The following NPC1 variants were observed in gnomAD, a reference collection of about 807,000 sequenced individuals.
The protein encoded by NPC1 is Niemann-Pick C1 protein.
NPC1 carries 85 observed loss-of-function variants against 140.4 expected under a neutral mutation model. That is an observed-to-expected ratio of 0.61 (90% CI 0.51 to 0.72). The LOEUF is 0.72. Ranked by LOEUF, NPC1 falls within the 30% of genes least tolerant of loss-of-function variation. The pLI is 0.00. For missense variants in NPC1, 1,504 were observed against 1,623.8 expected, an observed-to-expected ratio of 0.93 and a Z score of 1.27; for synonymous variants, 656 against 624.8, an observed-to-expected ratio of 1.05 and a Z score of -0.74.
chr18:23,539,368 G>A lies in NPC1; in HGVS notation c.2898C>T (p.Phe966=), dbSNP rs2145370238. The A allele has an allele frequency of 1.2e-6, 2 of 1,611,618 alleles. No individual in the cohort carries two copies. The highest frequency in any genetic ancestry group is 1.7e-6 in the Non-Finnish European group (2 of 1,177,814). Residue 966 remains phenylalanine (F), a synonymous_variant, in exon 19 of 25, where the codon TTC becomes TTT. Transcript: ENST00000269228. ...CCRVDNITDQ[F]CNASVVDPAC... is the part of the protein sequence containing the mutation. ...AGGAGAAGGTACCTGAAGCATTGCA[G>A]AACTGGTCAGTGATATTGTCCACTC...
chr18:23,556,161 C>T (rs1242098573), intron 8 of NPC1, 82 bp downstream of exon 8: 25 of 1,227,260 alleles, frequency 2.0e-5, no homozygotes, highest in Non-Finnish European at 2.9e-5. Context: ...CCCCAAATCC[C>T]CATCTAGCAG....
Position 23,536,758 on chromosome 18 carries a change from CGTCAATAAAGTCAGCAGAG to C in NPC1, c.3141_3159del (p.Ser1048LeufsTer2). On this transcript the variant is annotated frameshift_variant, in exon 21 of 25. Transcript: ENST00000269228. LOFTEE classifies it high-confidence loss of function. ...GCTATAAGTCGGGCTTTCTTCAGAG[CGTCAATAAAGTCAGCAGAG>C]GTCTGCAGCACGGTGTGGTAGGTCA... The C allele has an allele frequency of 6.2e-7, 1 of 1,614,132 alleles. No homozygotes were observed. The highest frequency in any genetic ancestry group is 8.5e-7 in the Non-Finnish European group (1 of 1,180,014).
intron 5 of NPC1, 119 bp downstream of exon 5, chr18:23,561,241 G>A (rs2059033949): frequency 1.9e-6 from 2 of 1,041,318 alleles, no homozygotes; most frequent in South Asian, 1.3e-5. Context: ...GGAACTCCTG[G>A]TCTTAAGCAA....
rs376559201 is a variant in NPC1, at chr18:23,532,156, C to A, written c.*46G>T. On this transcript the variant is annotated 3_prime_UTR_variant, in exon 25 of 25. Transcript: ENST00000269228. ...ATGCAGCACCCGTCCAGTGGTAAAC[C>A]GACCGACCCTTAGACACAGTTCAGT... 1.2e-5 allele frequency: 19 copies of A among 1,613,994 alleles called. No homozygotes were observed. Among genetic ancestry groups the A allele is most frequent in the Non-Finnish European group, 1.4e-5 (17 of 1,180,004 alleles).
intron 1 of NPC1, 26 bp downstream of exon 1, chr18:23,586,261 C>T: frequency 3.9e-6 from 6 of 1,531,118 alleles, no homozygotes; most frequent in Non-Finnish European, 5.2e-6. Context: ...CCCCACAGGG[C>T]GTCCCGGTGG....
At position 23,557,185 on chromosome 18, in the gene NPC1, C is replaced by T. The variant is rs774386583; in HGVS notation, c.887G>A (p.Arg296Gln). Residue 296 changes from arginine to glutamine, a missense_variant, in exon 7 of 25, where the codon CGG becomes CAG. Coordinates refer to ENST00000269228, the MANE Select transcript of NPC1 (RefSeq NM_000271.5). ...AFFAVWCYRKRYFVSEYTPID... is the reference protein window; with the variant it reads ...AFFAVWCYRKQYFVSEYTPID... ...GGGAGTGTACTCGGAGACAAAATAC[C>T]GTTTTCTGAAAAACAGAAGTGAAGA... 15 of 1,612,350 alleles carry T rather than the reference C, an allele frequency of 9.3e-6. No individual in the cohort carries two copies. Among genetic ancestry groups the T allele is most frequent in the South Asian group, 4.4e-5 (4 of 91,068 alleles).
Position 23,534,504 on chromosome 18 carries a change from C to T in NPC1, c.3533G>A (p.Ser1178Asn). ...CSHITRAFTV[S>N]MKGSRVERAE... ...GCGCTCCACGCGGCTGCCTTTCATG[C>T]TCACCGTGAACGCTCTGGTTATGTG... is the stretch of plus-strand genomic sequence containing the variant. Residue 1178 changes from serine to asparagine, a missense_variant, in exon 23 of 25, where the codon AGC becomes AAC. Physicochemically the swap from Ser to Asn is conservative, Grantham distance 46 (BLOSUM62 1). Coordinates refer to ENST00000269228, the MANE Select transcript of NPC1 (RefSeq NM_000271.5). 3 of 1,614,170 alleles carry T rather than the reference C, an allele frequency of 1.9e-6. No homozygotes were observed. Among genetic ancestry groups the T allele is most frequent in the African/African-American group, 1.3e-5 (1 of 75,074 alleles).
chr18:23,543,600 A>G, intron 13 of NPC1, 31 bp from the exon 14 acceptor site: 2 of 1,297,542 alleles, frequency 1.5e-6, no homozygotes, highest in South Asian at 1.2e-5. Flanking sequence ...ATTATGCGAC[A>G]TTAAAATTTC....
intron 3 of NPC1, chr18:23,516,056 C>T (rs2057994838): frequency 1.2e-6 from 2 of 1,608,408 alleles, no homozygotes; most frequent in Non-Finnish European, 8.5e-7. Flanking sequence ...GTTCCTGTAG[C>T]ATCCTAATGT....
At chr18:23,510,502 G>C (rs2057824888) in intron 3 of NPC1, among the ~76,000 whole-genome samples, 1 of 151,988 alleles carries the variant, frequency 6.6e-6, no homozygotes, top group South Asian at 2.1e-4. Flanking sequence ...ACAAAAATTA[G>C]CCAGGTTGGT....
At chr18:23,530,652 C>CA (rs536631149), downstream of NPC1, 67 of 1,585,132 alleles carry the variant, frequency 4.2e-5, 1 homozygote, top group East Asian at 1.3e-3. Flanking sequence ...ACCATAGCCT[C>CA]AAAGAGTAGC....
intron 18 of NPC1, 91 bp downstream of exon 18, chr18:23,539,720 T>C: frequency 7.1e-7 from 1 of 1,409,300 alleles, no homozygotes; most frequent in South Asian, 1.2e-5. Flanking sequence ...CAAGAAAGTC[T>C]ATTTTCAGTG....
intron 1 of NPC1, among the ~76,000 whole-genome samples, chr18:23,584,803 G>C (rs951364642): frequency 6.6e-6 from 1 of 152,174 alleles, no homozygotes; most frequent in African/African-American, 2.4e-5. Flanking sequence ...AGGTTGCAGT[G>C]AGCCGAGATT....
At chr18:23,563,220 G>A (rs767169985) in intron 4 of NPC1, among the ~76,000 whole-genome samples, 34 of 152,026 alleles carry the variant, frequency 2.2e-4, no homozygotes, top group Non-Finnish European at 7.4e-5. Flanking sequence ...TTCTTTTTAC[G>A]GCCGAACAAC....
chr18:23,558,068 G>C (rs1490576357), intron 6 of NPC1, among the ~76,000 whole-genome samples: 2 of 152,186 alleles, frequency 1.3e-5, no homozygotes, highest in African/African-American at 4.8e-5. Flanking sequence ...ATAGCTTTCT[G>C]TACAGAAGTC....
At chr18:23,522,061 C>T (rs148151828), downstream of NPC1, among the ~76,000 whole-genome samples, 178 of 152,326 alleles carry the variant, frequency 1.2e-3, no homozygotes, top group South Asian at 0.012. Flanking sequence ...TACCGTTCAC[C>T]CGGGAGTTCA....
chr18:23,578,597 T>G (rs1308887867), intron 1 of NPC1, among the ~76,000 whole-genome samples: 1 of 152,126 alleles, frequency 6.6e-6, no homozygotes, highest in Non-Finnish European at 1.5e-5. Flanking sequence ...CTCTTTCTCT[T>G]CTGTGTTTTT....
At chr18:23,573,936 A>G (rs1271449146) in intron 1 of NPC1, among the ~76,000 whole-genome samples, 1 of 152,246 alleles carries the variant, frequency 6.6e-6, no homozygotes, top group Non-Finnish European at 1.5e-5. Context: ...CAGGAACTAT[A>G]TAAGCTCTAA....
intron 1 of NPC1, among the ~76,000 whole-genome samples, chr18:23,583,927 A>C (rs1432657819): frequency 6.6e-6 from 1 of 152,214 alleles, no homozygotes; most frequent in Non-Finnish European, 1.5e-5. Flanking sequence ...GGTTGTTCTT[A>C]ATCACTCACA....
Sources: allele counts gnomAD v4.1 joint callset (sites outside exome capture counted in the v4.1 genomes callset), GRCh38; gene constraint gnomAD v4.1.1; transcripts MANE v1.5; gene names NCBI Gene and HGNC (gene_info 2026-07-23, HGNC 2026-07-21).